ITGA1: variants seen among roughly 807,000 people sequenced by gnomAD.
ITGA1 encodes the protein integrin alpha-1.
Under a neutral mutation model 145.9 loss-of-function variants are expected in ITGA1, and 85 were observed. The observed-to-expected ratio is 0.58, with a 90% CI of 0.49 to 0.70. The LOEUF (loss-of-function observed/expected upper bound fraction) is 0.70, where lower values mean the gene tolerates loss of function less well. ITGA1 is among the 30% of genes least tolerant of loss of function. The probability of loss-of-function intolerance (pLI) is 0.00; values close to 1 mark genes in which losing one functional copy is unlikely to be tolerated. For synonymous variants in ITGA1, 520 were observed against 495.3 expected, an observed-to-expected ratio of 1.05 and a Z score of -0.66; for missense variants, 1,351 against 1,418.7, an observed-to-expected ratio of 0.95 and a Z score of 0.77.
chr5:52,908,943 A>G lies in ITGA1; in HGVS notation c.1501A>G (p.Lys501Glu). The change falls in exon 13 of 29, where the codon AAG becomes GAG. Residue 501 changes from lysine to glutamate, a missense_variant. By Grantham distance (56) the Lys-to-Glu change is moderately conservative (BLOSUM62 1). Transcript: ENST00000282588. The part of the protein sequence containing the change: ...GSILTTTDID[K>E]DSNTDILLVG... ...TATTTTAACAACAACTGACATTGAC[A>G]AGGATTCTAATACTGACATTCTTCT... 1 of 1,613,898 alleles carries G rather than the reference A, an allele frequency of 6.2e-7. No homozygotes were observed. Among genetic ancestry groups the G allele is most frequent in the Admixed American group, 1.7e-5 (1 of 60,006 alleles).
chr5:52,923,727 A>C (rs1255194968), intron 18 of ITGA1, among the ~76,000 whole-genome samples: 2 of 152,158 alleles, frequency 1.3e-5, no homozygotes, highest in Non-Finnish European at 2.9e-5. Flanking sequence ...ACCTCATTTG[A>C]ATTTAGGACC....
chr5:52,837,519 T>G (rs1561223224), intron 1 of ITGA1, among the ~76,000 whole-genome samples: 1 of 152,146 alleles, frequency 6.6e-6, no homozygotes, highest in East Asian at 1.9e-4. Flanking sequence ...TATTTTTTCC[T>G]CCCCTTCTCC....
intron 24 of ITGA1, 69 bp from the exon 25 acceptor site, chr5:52,939,521 A>G: frequency 1.0e-6 from 1 of 981,618 alleles, no homozygotes; most frequent in Middle Eastern, 2.1e-4. Context: ...TCTTTACACT[A>G]CTGCAGCAAG....
chr5:52,847,696 G>T (rs1580059959), intron 1 of ITGA1, among the ~76,000 whole-genome samples: 1 of 152,098 alleles, frequency 6.6e-6, no homozygotes, highest in South Asian at 2.1e-4. Context: ...GGGACTACAG[G>T]GGCATGCCAC....
At position 52,854,341 on chromosome 5, in the gene ITGA1, T is replaced by C. The variant is rs1749474537; in HGVS notation, c.182+4856T>C. Among the ~76,000 whole-genome samples the C allele has an allele frequency of 2.0e-5, 3 of 152,178 alleles. No homozygotes were observed. The South Asian group carries it at 6.2e-4, about 31-fold the overall frequency. On this transcript the variant is annotated intron_variant, in intron 2 of 28. Coordinates refer to ENST00000282588, the MANE Select transcript of ITGA1 (RefSeq NM_181501.2). ...CATTTTAAGGGTTTACACAATTTTC[T>C]GTAACAGATTTTAATATGCTTATTT... is the stretch of plus-strand genomic sequence containing the variant.
intron 1 of ITGA1, among the ~76,000 whole-genome samples, chr5:52,809,045 G>A (rs1214619122): frequency 1.3e-5 from 2 of 152,148 alleles, no homozygotes; most frequent in Non-Finnish European, 2.9e-5. Flanking sequence ...TGGCAAGGCA[G>A]TTTTTCTCTG....
chr5:52,947,472 A>G lies in ITGA1; in HGVS notation c.3495+11A>G. ...TTAGCACTGTGGAAGGTAAACACCAAAATTCCTTTGACTCTCTACTTCAAT... is the reference window on the plus strand; with the variant it reads ...TTAGCACTGTGGAAGGTAAACACCAGAATTCCTTTGACTCTCTACTTCAAT... On this transcript the variant is annotated intron_variant, in intron 28 of 28. Transcript: ENST00000282588. 4.6e-6 allele frequency: 7 copies of G among 1,537,978 alleles called. No homozygotes were observed. Among genetic ancestry groups the G allele is most frequent in the Non-Finnish European group, 6.3e-6 (7 of 1,110,714 alleles).
At chr5:52,826,907 T>C (rs1748975437) in intron 1 of ITGA1, among the ~76,000 whole-genome samples, 1 of 152,194 alleles carries the variant, frequency 6.6e-6, no homozygotes, top group African/African-American at 2.4e-5. Flanking sequence ...CAATGACTTC[T>C]GATACAAGAT....
In ITGA1 at chr5:52,922,853, TTGA is replaced by T. The variant is rs900088479; in HGVS notation, c.2374_2376del (p.Asp792del). The T allele has an allele frequency of 6.2e-7, 1 of 1,611,038 alleles. No individual in the cohort carries two copies. Among genetic ancestry groups the T allele is most frequent in the Non-Finnish European group, 8.5e-7 (1 of 1,177,188 alleles). ...ACCGATCCAGAAAATGGGCCTGTTC[TTGA>T]TGATTCTCTACCAAACTCAGTACAT... On this transcript the variant is annotated inframe_deletion, in exon 18 of 29. Transcript: ENST00000282588.
At chr5:52,919,488 A>T (rs1750700420) in intron 16 of ITGA1, among the ~76,000 whole-genome samples, 1 of 152,072 alleles carries the variant, frequency 6.6e-6, no homozygotes, top group African/African-American at 2.4e-5. Flanking sequence ...CTTTTTAATG[A>T]TGTTGAAATA....
At position 52,955,298 on chromosome 5, in the gene ITGA1, C is replaced by G. The variant is rs1751286129; in HGVS notation, c.*2847C>G. Reference sequence around the variant, plus strand: ...AATGTATCTGCCACCTCTTACCAACCAGTGTGAGCTGACTTCAGCACACCA... The same window carrying G: ...AATGTATCTGCCACCTCTTACCAACGAGTGTGAGCTGACTTCAGCACACCA... On this transcript the variant is annotated 3_prime_UTR_variant, in exon 29 of 29. Coordinates refer to ENST00000282588, the MANE Select transcript of ITGA1 (RefSeq NM_181501.2). The G allele has an allele frequency of 1.3e-5, 2 of 152,016 alleles. No individual in the cohort carries two copies. The highest frequency in any genetic ancestry group is 2.4e-5 in the African/African-American group (1 of 41,390). The allele number at this position is 152,016 out of a possible 1,614,324, so 9.4% of individuals were successfully genotyped here.
chr5:52,878,424 TTACTATTCCTAGTGTGAAGA>T (rs1749900891), intron 6 of ITGA1, among the ~76,000 whole-genome samples: 1 of 152,238 alleles, frequency 6.6e-6, no homozygotes, highest in African/African-American at 2.4e-5. Context: ...TTTGAGTTTT[TTACTATTCCTAGTGTGAAGA>T]TAATTTTTCC....
chr5:52,831,283 C>T (rs1749066109), intron 1 of ITGA1, among the ~76,000 whole-genome samples: 1 of 152,030 alleles, frequency 6.6e-6, no homozygotes, highest in Non-Finnish European at 1.5e-5. Context: ...CAGACGTGCA[C>T]CACCACACCT....
chr5:52,825,688 C>G (rs989576929), intron 1 of ITGA1, among the ~76,000 whole-genome samples: 17 of 152,180 alleles, frequency 1.1e-4, no homozygotes, highest in African/African-American at 4.1e-4. Flanking sequence ...GGAAGGCCAA[C>G]ACAGGCAGAT....
chr5:52,861,752 C>T (rs906205326), intron 3 of ITGA1, among the ~76,000 whole-genome samples, 193 bp downstream of exon 3: 7 of 151,628 alleles, frequency 4.6e-5, no homozygotes, highest in African/African-American at 1.7e-4. Context: ...CTACTGTAGT[C>T]CCAGCTACTC....
chr5:52,810,674 A>G (rs6881900), intron 1 of ITGA1, among the ~76,000 whole-genome samples: 40,198 of 152,144 alleles, frequency 0.26, 5,588 homozygotes, highest in Non-Finnish European at 0.3. Flanking sequence ...CTCATTAAAT[A>G]CACTAGTAGG....
intron 19 of ITGA1, among the ~76,000 whole-genome samples, chr5:52,926,715 C>T (rs1057275577): frequency 3.3e-5 from 5 of 152,004 alleles, no homozygotes; most frequent in African/African-American, 9.7e-5. Context: ...CTGTATCCTC[C>T]TATGCTGACT....
At chr5:52,878,370 T>C (rs1207984034) in intron 6 of ITGA1, among the ~76,000 whole-genome samples, 1 of 152,232 alleles carries the variant, frequency 6.6e-6, no homozygotes, top group Non-Finnish European at 1.5e-5. Context: ...AGATGGATGA[T>C]AGAGATGTAA....
chr5:52,892,353 G>A (rs1036229039), intron 8 of ITGA1, among the ~76,000 whole-genome samples: 1 of 152,042 alleles, frequency 6.6e-6, no homozygotes, highest in African/African-American at 2.4e-5. Context: ...GTATTGACAC[G>A]CATGCAAAGC....
Sources: gnomAD v4.1 joint callset for allele counts (sites outside exome capture counted in the v4.1 genomes callset) on GRCh38, gnomAD v4.1.1 for gene constraint, MANE v1.5 for transcripts, NCBI Gene and HGNC (gene_info 2026-07-23, HGNC 2026-07-21) for gene names.